Variants in DIS3L observed in about 807,000 individuals in gnomAD.
DIS3L encodes DIS3-like exonuclease 1.
In DIS3L, 100 loss-of-function variants were observed where a neutral mutation model predicts 120.3. The ratio of observed to expected loss-of-function variants is 0.83; its 90% CI spans 0.71 to 0.98. The LOEUF is 0.98. DIS3L is among the 50% of genes least tolerant of loss of function. DIS3L has a pLI of 0.00. For synonymous variants in DIS3L, 426 were observed against 470.6 expected, an observed-to-expected ratio of 0.91 and a Z score of 1.23; for missense variants, 1,196 against 1,314.2, an observed-to-expected ratio of 0.91 and a Z score of 1.39.
chr15:66,333,157 G>C lies in DIS3L; in HGVS notation c.3010G>C (p.Val1004Leu), dbSNP rs1168900703. ...GTTAGTGAAAGAAGTAACTAAATCT[G>C]TGGAAGAAGCTCAGCTTGCCCAAGA... ...SELVKEVTKS[V>L]EEAQLAQEVK... The change falls in exon 17 of 17, where the codon GTG (valine) becomes CTG (leucine). Residue 1004 changes from valine to leucine, a missense_variant. Physicochemically the swap from Val to Leu is conservative, Grantham distance 32. Coordinates refer to ENST00000319212, the MANE Select transcript of DIS3L (RefSeq NM_001143688.3). The C allele has an allele frequency of 1.2e-5, 19 of 1,613,886 alleles. No individual in the cohort carries two copies. Among genetic ancestry groups the C allele is most frequent in the Non-Finnish European group, 1.5e-5 (18 of 1,180,020 alleles).
intron 2 of DIS3L, among the ~76,000 whole-genome samples, chr15:66,299,935 T>A (rs938980972): frequency 6.6e-6 from 1 of 150,662 alleles, no homozygotes; most frequent in Non-Finnish European, 1.5e-5. Flanking sequence ...CCTGTAGTCC[T>A]AGCTACTCGG....
At chr15:66,311,382 G>A (rs1422623284) in intron 4 of DIS3L, among the ~76,000 whole-genome samples, 1 of 152,050 alleles carries the variant, frequency 6.6e-6, no homozygotes, top group Non-Finnish European at 1.5e-5. Flanking sequence ...GTACATATAG[G>A]CCATTGTCTG....
intron 7 of DIS3L, among the ~76,000 whole-genome samples, chr15:66,316,791 G>C (rs114513909): frequency 0.012 from 1,889 of 152,208 alleles, 33 homozygotes; most frequent in African/African-American, 0.042. Flanking sequence ...CTCCAGCCTG[G>C]GCAAGAGAGC....
At chr15:66,296,373 A>G (rs28496583) in intron 2 of DIS3L, among the ~76,000 whole-genome samples, 40,825 of 151,998 alleles carry the variant, frequency 0.27, 5,909 homozygotes, top group South Asian at 0.32. Flanking sequence ...CTGCCTTACC[A>G]TGTCTTTGAA....
chr15:66,332,811 T>A lies in DIS3L; in HGVS notation c.2757T>A (p.Ser919=). The A allele has an allele frequency of 6.2e-7, 1 of 1,614,084 alleles. No homozygotes were observed. The highest frequency in any genetic ancestry group is 8.5e-7 in the Non-Finnish European group (1 of 1,179,994). Reference sequence around the variant, plus strand: ...TCTCATGTGGCCCAGATAGCTGTTCTGAATGGAAACCAGGATCCCTTCAAC... The same window carrying A: ...TCTCATGTGGCCCAGATAGCTGTTCAGAATGGAAACCAGGATCCCTTCAAC... ...LVISCGPDSC[S]EWKPGSLQRF... is the part of the protein sequence containing the mutation. The change falls in exon 16 of 17, where the codon TCT becomes TCA. Residue 919 remains serine, a synonymous_variant. Coordinates refer to ENST00000319212, the MANE Select transcript of DIS3L (RefSeq NM_001143688.3).
intron 2 of DIS3L, among the ~76,000 whole-genome samples, chr15:66,304,962 T>C (rs1227677306): frequency 6.8e-6 from 1 of 147,012 alleles, no homozygotes; most frequent in Non-Finnish European, 1.5e-5. Context: ...TCACAGTGAC[T>C]CAAAATTAGA....
In DIS3L at chr15:66,328,966, T is replaced by A; in HGVS notation, c.2202-4T>A. 6.2e-7 allele frequency: 1 copy of A among 1,609,838 alleles called. No individual in the cohort carries two copies. The highest frequency in any genetic ancestry group is 8.5e-7 in the Non-Finnish European group (1 of 1,178,914). On this transcript the variant is annotated splice_region_variant and splice_polypyrimidine_tract_variant and intron_variant, in intron 12 of 16. Transcript: ENST00000319212. ...TAGCTAACGGTTTTTCTGTTCTTTGTCAGGTCCAATAAAACACTGGCTGAT... is the reference window on the plus strand; with the variant it reads ...TAGCTAACGGTTTTTCTGTTCTTTGACAGGTCCAATAAAACACTGGCTGAT...
Position 66,333,348 on chromosome 15 carries a change from A to AT in DIS3L, c.*37dup. The AT allele has an allele frequency of 6.4e-7, 1 of 1,553,182 alleles. No individual in the cohort carries two copies. Among genetic ancestry groups the AT allele is most frequent in the Non-Finnish European group, 8.7e-7 (1 of 1,152,822 alleles). ...CTTCACTAAGAGCTGTCATATGTGA[A>AT]TGTTTTACAGTCTTTTCAAACTTAA... On this transcript the variant is annotated 3_prime_UTR_variant, in exon 17 of 17. Coordinates refer to ENST00000319212, the MANE Select transcript of DIS3L (RefSeq NM_001143688.3).
rs202214297 is a variant in DIS3L at position 66,332,009 on chromosome 15, A to G, written c.2670A>G (p.Leu890=). 1.2e-6 allele frequency: 2 copies of G among 1,609,326 alleles called. No individual in the cohort carries two copies. Among genetic ancestry groups the G allele is most frequent in the East Asian group, 4.5e-5 (2 of 44,836 alleles). The change falls in exon 15 of 17, where the codon CTA becomes CTG. Residue 890 remains leucine, a synonymous_variant. Coordinates refer to ENST00000319212, the MANE Select transcript of DIS3L (RefSeq NM_001143688.3). ...CAATTAGAACAAATGGTGTGCTTCTATTTATACCAAGGTATGTTACATCTA... is the reference window on the plus strand; with the variant it reads ...CAATTAGAACAAATGGTGTGCTTCTGTTTATACCAAGGTATGTTACATCTA... ...IYSIRTNGVL[L]FIPRFGIKGA...
In DIS3L at chr15:66,326,312, T is replaced by A. The variant is rs751409622; in HGVS notation, c.2149T>A (p.Phe717Ile). 8 of 1,614,172 alleles carry A rather than the reference T, an allele frequency of 5.0e-6. No homozygotes were observed. Among genetic ancestry groups the A allele is most frequent in the Non-Finnish European group, 6.8e-6 (8 of 1,180,034 alleles). ...GCACCCTCCTCCACACCAGGAGTTC[T>A]TTTCAGAACTCCGGGAATGTGCTAA... ...RQHPPPHQEF[F>I]SELRECAKAK... is the part of the protein sequence containing the mutation. The change falls in exon 12 of 17, where the codon TTT becomes ATT. Residue 717 changes from phenylalanine (F) to isoleucine (I), a missense_variant. Phe to Ile is a conservative substitution (Grantham distance 21). Coordinates refer to ENST00000319212, the MANE Select transcript of DIS3L (RefSeq NM_001143688.3).
intron 2 of DIS3L, among the ~76,000 whole-genome samples, chr15:66,296,784 A>G (rs139117600): frequency 0.031 from 4,650 of 152,192 alleles, 176 homozygotes; most frequent in Admixed American, 0.076. Context: ...AGCCTCCCAA[A>G]GTGCTGGGAT....
At position 66,328,919 on chromosome 15, in the gene DIS3L, C is replaced by A. The variant is rs193256629; in HGVS notation, c.2202-51C>A. ...TGAAGGGTTCCCCTCAAAGTGTTGT[C>A]TTGTAAATTACTGTCTGGGACTAGC... is the stretch of plus-strand genomic sequence containing the variant. On this transcript the variant is annotated intron_variant, in intron 12 of 16. Transcript: ENST00000319212. The A allele has an allele frequency of 1.7e-4, 271 of 1,573,400 alleles. 1 individual carries two copies. The East Asian group carries it at 3.0e-3, about 17-fold the overall frequency.
At position 66,311,811 on chromosome 15, in the gene DIS3L, G is replaced by C; in HGVS notation, c.646G>C (p.Glu216Gln). 3 of 1,614,184 alleles carry C rather than the reference G, an allele frequency of 1.9e-6. No homozygotes were observed. Among genetic ancestry groups the C allele is most frequent in the Middle Eastern group, 1.6e-4 (1 of 6,062 alleles). The change falls in exon 5 of 17, where the codon GAG (glutamate) becomes CAG (glutamine). Residue 216 changes from glutamate (E) to glutamine (Q), a missense_variant. By Grantham distance (29) the Glu-to-Gln change is conservative (BLOSUM62 2). Coordinates refer to ENST00000319212, the MANE Select transcript of DIS3L (RefSeq NM_001143688.3). Reference sequence around the variant, plus strand: ...TCAGTCTCGACGGGAGAGAGAGAATGAGAGTCAGGAGAGCCATGGGAAGGA... The same window carrying C: ...TCAGTCTCGACGGGAGAGAGAGAATCAGAGTCAGGAGAGCCATGGGAAGGA... ...ILQSRREREN[E>Q]SQESHGKEYP... is the part of the protein sequence containing the mutation.
intron 2 of DIS3L, among the ~76,000 whole-genome samples, chr15:66,297,534 A>C (rs570229585): frequency 6.6e-6 from 1 of 152,348 alleles, no homozygotes; most frequent in East Asian, 1.9e-4. Flanking sequence ...TAGCATATGC[A>C]TTACTTTACA....
intron 2 of DIS3L, among the ~76,000 whole-genome samples, chr15:66,298,800 ATG>A (rs1197100970): frequency 2.6e-5 from 4 of 152,350 alleles, no homozygotes; most frequent in East Asian, 3.9e-4. Context: ...ATGTGTTCAC[ATG>A]TGTGTTGGTT....
intron 2 of DIS3L, among the ~76,000 whole-genome samples, chr15:66,299,204 G>A (rs1160432732): frequency 6.6e-6 from 1 of 152,214 alleles, no homozygotes; most frequent in Non-Finnish European, 1.5e-5. Context: ...CCTCAGGGAT[G>A]TCAGGGAAAA....
At chr15:66,320,878 T>G in intron 9 of DIS3L, 146 bp downstream of exon 9, 1 of 1,075,994 alleles carries the variant, frequency 9.3e-7, no homozygotes, top group Non-Finnish European at 1.3e-6. Context: ...ATCCTCTTTA[T>G]TCTATATTTG....
At chr15:66,296,982 A>G (rs1488753991) in intron 2 of DIS3L, among the ~76,000 whole-genome samples, 1 of 152,208 alleles carries the variant, frequency 6.6e-6, no homozygotes, top group Non-Finnish European at 1.5e-5. Context: ...CAATTAGGCC[A>G]AAAAATCCTT....
chr15:66,315,577 C>T (rs62011715), intron 7 of DIS3L, among the ~76,000 whole-genome samples: 2,981 of 152,190 alleles, frequency 0.02, 43 homozygotes, highest in African/African-American at 0.024. Context: ...GAGATATAGT[C>T]TCTTCCTCTC....
Sources: allele counts gnomAD v4.1 joint callset (sites outside exome capture counted in the v4.1 genomes callset), GRCh38; gene constraint gnomAD v4.1.1; transcripts MANE v1.5; gene names NCBI Gene and HGNC (gene_info 2026-07-23, HGNC 2026-07-21).